Variants in UNC13A observed in about 807,000 individuals in gnomAD.
UNC13A encodes protein unc-13 homolog A.
In UNC13A, 61 loss-of-function variants were observed where a neutral mutation model predicts 219.7. That is an observed-to-expected ratio of 0.28 (90% confidence interval 0.23 to 0.34). The LOEUF is 0.34. Ranked by LOEUF, UNC13A falls within the 10% of genes least tolerant of loss-of-function variation. UNC13A has a pLI of 1.00. For missense variants in UNC13A, 1,476 were observed against 2,270.3 expected (o/e 0.65, Z 7.11); for synonymous variants, 920 against 884.6 (o/e 1.04, Z -0.71).
Position 17,640,880 on chromosome 19 carries a change from C to CTT in UNC13A, c.2637-221_2637-220dup, listed in dbSNP as rs10531732. On this transcript the variant is annotated intron_variant, in intron 21 of 43. Coordinates refer to ENST00000519716, the MANE Select transcript of UNC13A (RefSeq NM_001080421.3). ...ATTCTGCTTCTTTTTTTCTTTCTTT[C>CTT]TTTTTTTTTTTTTTTTGAGATGGAG... Among the ~76,000 whole-genome samples, 24 of 139,740 alleles carry CTT rather than the reference C, an allele frequency of 1.7e-4. 1 individual carries two copies. The highest frequency in any genetic ancestry group is 4.0e-4 in the African/African-American group (15 of 37,068). The allele number at this position is 139,740 out of a possible 152,430, so 91.7% of individuals were successfully genotyped here.
intron 1 of UNC13A, among the ~76,000 whole-genome samples, chr19:17,687,887 G>T (rs1429620664): frequency 1.3e-5 from 2 of 151,962 alleles, no homozygotes; most frequent in Non-Finnish European, 2.9e-5. Context: ...AGTCTAGATC[G>T]TTTCCGGGTA....
chr19:17,633,944 C>T (rs1364169853), intron 26 of UNC13A, among the ~76,000 whole-genome samples: 2 of 151,218 alleles, frequency 1.3e-5, no homozygotes, highest in Admixed American at 1.3e-4. Flanking sequence ...CAACTATCCA[C>T]CCATCCGTTC....
intron 1 of UNC13A, chr19:17,676,286 G>C (rs1434667251): frequency 1.3e-5 from 8 of 632,584 alleles, no homozygotes; most frequent in African/African-American, 3.6e-5. Flanking sequence ...GAGAGGGAGA[G>C]AGAGAAGCCA....
Position 17,647,420 on chromosome 19 carries a change from C to A in UNC13A, c.1889G>T (p.Arg630Leu). ...CTTGTTGCGCTCCCGGATCTTCATG[C>A]GGTCCTTGAGCACCATGATGATGTT... Reference protein sequence around the residue: ...TQNIIMVLKDRMKIRERNKPE... With the variant: ...TQNIIMVLKDLMKIRERNKPE... Residue 630 changes from arginine (R) to leucine (L), a missense_variant, in exon 17 of 44, where the codon CGC (arginine) becomes CTC (leucine). Arg to Leu is a moderately radical substitution (Grantham distance 102, BLOSUM62 -2). Coordinates refer to ENST00000519716, the MANE Select transcript of UNC13A (RefSeq NM_001080421.3). 2 of 1,613,714 alleles carry A rather than the reference C, an allele frequency of 1.2e-6. No homozygotes were observed. The highest frequency in any genetic ancestry group is 1.7e-6 in the Non-Finnish European group (2 of 1,179,826).
In UNC13A at chr19:17,606,081, C is replaced by T. The variant is rs2076523352; in HGVS notation, c.5085G>A (p.Glu1695=). The stretch of plus-strand genomic sequence containing the variant: ...AAGGCGCAGGCGCGGCACCGCCCTC[C>T]TCGGCGGAGCGCGTGTCCGACTTGA... ...VKLKSDTRSA[E]EGGAAPAP The change falls in exon 44 of 44, where the codon GAG becomes GAA. Residue 1695 remains glutamate, a synonymous_variant. Coordinates refer to ENST00000519716, the MANE Select transcript of UNC13A (RefSeq NM_001080421.3). 1.3e-6 allele frequency: 2 copies of T among 1,587,356 alleles called. No homozygotes were observed. Among genetic ancestry groups the T allele is most frequent in the Admixed American group, 3.5e-5 (2 of 57,482 alleles).
At chr19:17,663,480 G>T (rs1169656165) in intron 8 of UNC13A, 52 bp downstream of exon 8, 7 of 1,601,926 alleles carry the variant, frequency 4.4e-6, no homozygotes, top group Non-Finnish European at 4.3e-6. Context: ...GATCACCAAG[G>T]TGCCCACCTT....
chr19:17,624,160 T>G (rs1325313484), intron 35 of UNC13A, among the ~76,000 whole-genome samples: 2 of 151,514 alleles, frequency 1.3e-5, no homozygotes, highest in Admixed American at 6.6e-5. Flanking sequence ...GGTCTCGTTC[T>G]GTTGCCCAGG....
Position 17,627,771 on chromosome 19 carries a change from A to G in UNC13A, c.3831+92T>C. 7.1e-7 allele frequency: 1 copy of G among 1,411,414 alleles called. No homozygotes were observed. The highest frequency in any genetic ancestry group is 9.8e-7 in the Non-Finnish European group (1 of 1,024,822). The allele number at this position is 1,411,414 out of a possible 1,614,324, so 87.4% of individuals were successfully genotyped here. A position where few individuals can be genotyped will look rare whatever the true frequency, so the allele number is the denominator to read the frequency against. Reference sequence around the variant, plus strand: ...CATGGTTGAGCTGGAATTCATCCCCAGGCCTGGTGGCATATGAGCTCAGGG... The same window carrying G: ...CATGGTTGAGCTGGAATTCATCCCCGGGCCTGGTGGCATATGAGCTCAGGG... On this transcript the variant is annotated intron_variant, in intron 32 of 43. Transcript: ENST00000519716. This position sits in a 1 kb window ranked among gnomAD's most constrained non-coding sequence, Gnocchi z 4.7.
chr19:17,640,948 G>A (rs185164323), intron 21 of UNC13A, among the ~76,000 whole-genome samples: 22 of 146,900 alleles, frequency 1.5e-4, no homozygotes, highest in African/African-American at 4.8e-4. Flanking sequence ...GCGCAATCTC[G>A]GCTCACTGCA....
chr19:17,640,538 G>A lies in UNC13A; in HGVS notation c.2760C>T (p.Ser920=), dbSNP rs371816774. 5.8e-6 allele frequency: 9 copies of A among 1,552,086 alleles called. No homozygotes were observed. Among genetic ancestry groups the A allele is most frequent in the African/African-American group, 2.7e-5 (2 of 73,180 alleles). Residue 920 remains serine (S), a synonymous_variant, in exon 22 of 44, where the codon TCC becomes TCT. Coordinates refer to ENST00000519716, the MANE Select transcript of UNC13A (RefSeq NM_001080421.3). ...CAAAGTTGGAGGCGGCGAAGCGGTC[G>A]GAGGCAGACACGTTGGTGGAGGCGG... The part of the protein sequence containing the change: ...HTTASTNVSA[S]DRFAASNFGK...
chr19:17,605,872 G>A lies in UNC13A; in HGVS notation c.*182C>T. The stretch of plus-strand genomic sequence containing the variant: ...TGGGCGTGGCCTCCCGAGAGGGCGG[G>A]GCATCCTCCATTCCTAATTCCCCAA... On this transcript the variant is annotated 3_prime_UTR_variant, in exon 44 of 44. Transcript: ENST00000519716. 1.7e-6 allele frequency: 1 copy of A among 589,570 alleles called. No individual in the cohort carries two copies. The highest frequency in any genetic ancestry group is 2.6e-6 in the Non-Finnish European group (1 of 381,562). The allele number at this position is 589,570 out of a possible 1,614,324, so 36.5% of individuals were successfully genotyped here.
At chr19:17,634,852 G>T (rs552803692) in intron 26 of UNC13A, among the ~76,000 whole-genome samples, 5 of 151,480 alleles carry the variant, frequency 3.3e-5, no homozygotes, top group African/African-American at 1.2e-4. Flanking sequence ...GTACCACCAC[G>T]CCCGGTTAAT....
chr19:17,627,093 G>A lies in UNC13A; in HGVS notation c.3921-308C>T, dbSNP rs1277449370. Among the ~76,000 whole-genome samples the A allele has an allele frequency of 6.6e-6, 1 of 151,966 alleles. No individual in the cohort carries two copies. Among genetic ancestry groups the A allele is most frequent in the African/African-American group, 2.4e-5 (1 of 41,378 alleles). On this transcript the variant is annotated intron_variant, in intron 33 of 43. Coordinates refer to ENST00000519716, the MANE Select transcript of UNC13A (RefSeq NM_001080421.3). The surrounding 1 kb of genome is among the most constrained non-coding windows in gnomAD (Gnocchi z 4.7). ...TGTAGTCCCAGCTACTTGAACCCAG[G>A]AAGTGGAGGGTGCAGTGAGCCGAGA...
At chr19:17,635,613 C>T (rs1328175519) in intron 26 of UNC13A, among the ~76,000 whole-genome samples, 1 of 152,110 alleles carries the variant, frequency 6.6e-6, no homozygotes, top group Non-Finnish European at 1.5e-5. Flanking sequence ...AACCCACTGA[C>T]CACAACAATA....
chr19:17,671,146 G>A (rs1440996848), intron 4 of UNC13A, among the ~76,000 whole-genome samples: 4 of 152,032 alleles, frequency 2.6e-5, no homozygotes, highest in Non-Finnish European at 5.9e-5. Context: ...CCCAGAGGGA[G>A]GAAGGAGGGC....
In UNC13A at chr19:17,605,901, G is replaced by A; in HGVS notation, c.*153C>T. The A allele has an allele frequency of 1.4e-6, 1 of 716,406 alleles. No homozygotes were observed. The highest frequency in any genetic ancestry group is 3.5e-5 in the East Asian group (1 of 28,512). The allele number at this position is 716,406 out of a possible 1,614,324, so 44.4% of individuals were successfully genotyped here. ...TCCTCCATTCCTAATTCCCCAAAAG[G>A]GAAAGCTGAGTCAAGGGCGTAGGCG... On this transcript the variant is annotated 3_prime_UTR_variant, in exon 44 of 44. Coordinates refer to ENST00000519716, the MANE Select transcript of UNC13A (RefSeq NM_001080421.3).
At chr19:17,609,505 A>G (rs1009887772) in intron 43 of UNC13A, among the ~76,000 whole-genome samples, 1 of 151,812 alleles carries the variant, frequency 6.6e-6, no homozygotes, top group African/African-American at 2.4e-5. Context: ...TGTAGACTCC[A>G]GTAGTCCCCA....
intron 31 of UNC13A, 99 bp from the exon 32 acceptor site, chr19:17,628,039 G>T (rs1380435796): frequency 6.5e-6 from 8 of 1,229,018 alleles, no homozygotes; most frequent in Non-Finnish European, 9.3e-6. Context: ...CAGGGTCTGG[G>T]TCTGGAGGAA....
chr19:17,671,967 C>T (rs2079797238), intron 4 of UNC13A, among the ~76,000 whole-genome samples: 1 of 152,130 alleles, frequency 6.6e-6, no homozygotes, highest in African/African-American at 2.4e-5. Flanking sequence ...ACATTTTTAG[C>T]TGTGCCTAGG....
Sources: gnomAD v4.1 joint callset for allele counts (sites outside exome capture counted in the v4.1 genomes callset) on GRCh38, gnomAD v4.1.1 for gene constraint, Gnocchi (gnomAD v3.1) non-coding constraint, MANE v1.5 for transcripts, NCBI Gene and HGNC (gene_info 2026-07-23, HGNC 2026-07-21) for gene names.